Variants in DLG2 observed in about 807,000 individuals in gnomAD.
DLG2 encodes the protein discs large MAGUK scaffold protein 2.
In DLG2, 45 loss-of-function variants were observed where a neutral mutation model predicts 132.5. The observed-to-expected ratio is 0.34, with a 90% CI of 0.27 to 0.44. The LOEUF (loss-of-function observed/expected upper bound fraction) is 0.44, where lower values mean the gene tolerates loss of function less well. DLG2 is among the 20% of genes least tolerant of loss of function. The pLI is 1.00. For missense variants in DLG2, 1,045 were observed against 1,196.9 expected (o/e 0.87, Z 1.87); for synonymous variants, 424 against 419.6 (o/e 1.01, Z -0.13).
intron 11 of DLG2, among the ~76,000 whole-genome samples, chr11:84,008,640 G>A (rs909355754): frequency 6.6e-6 from 1 of 151,774 alleles, no homozygotes; most frequent in Non-Finnish European, 1.5e-5. Flanking sequence ...AGAGAGAGAA[G>A]GGTAAAAAGA....
intron 6 of DLG2, chr11:84,923,057 G>C: frequency 6.2e-7 from 1 of 1,613,882 alleles, no homozygotes; most frequent in Non-Finnish European, 8.5e-7. Flanking sequence ...GTGCCCAGTT[G>C]CCGGCTCGCC....
At chr11:83,618,697 T>C (rs1433741411) in intron 19 of DLG2, among the ~76,000 whole-genome samples, 1 of 152,150 alleles carries the variant, frequency 6.6e-6, no homozygotes, top group Non-Finnish European at 1.5e-5. Context: ...CATGGCTGAT[T>C]GAGTTAGAAT....
chr11:85,460,424 T>C (rs1466187834), intron 3 of DLG2, among the ~76,000 whole-genome samples: 1 of 152,144 alleles, frequency 6.6e-6, no homozygotes, highest in Admixed American at 6.5e-5. Context: ...GAACTGTGGG[T>C]CCCTGGGGAC....
At chr11:84,891,507 A>G (rs1295656059) in intron 6 of DLG2, among the ~76,000 whole-genome samples, 3 of 152,166 alleles carry the variant, frequency 2.0e-5, no homozygotes, top group Non-Finnish European at 4.4e-5. Context: ...ATATATGTGG[A>G]AAAATATGAC....
chr11:83,754,646 G>A (rs958979957), intron 18 of DLG2, among the ~76,000 whole-genome samples: 2 of 151,306 alleles, frequency 1.3e-5, no homozygotes, highest in African/African-American at 4.9e-5. Context: ...TTGATGATTA[G>A]AGATTCAGGA....
intron 7 of DLG2, among the ~76,000 whole-genome samples, chr11:84,372,790 G>T (rs576110983): frequency 1.3e-5 from 2 of 152,116 alleles, no homozygotes; most frequent in South Asian, 4.2e-4. Flanking sequence ...TTAACTAAAG[G>T]TAAACAATGT....
intron 19 of DLG2, among the ~76,000 whole-genome samples, chr11:83,628,890 A>T (rs915931287): frequency 1.6e-4 from 24 of 152,182 alleles, no homozygotes; most frequent in African/African-American, 5.8e-4. Context: ...CCATTTTTTA[A>T]AAAGGAGAGA....
intron 19 of DLG2, among the ~76,000 whole-genome samples, chr11:83,585,341 A>G (rs1315003795): frequency 6.6e-6 from 1 of 152,196 alleles, no homozygotes; most frequent in Non-Finnish European, 1.5e-5. Context: ...GTACCATACA[A>G]TCACAACAAC....
At chr11:84,941,509 T>C (rs554795640) in intron 6 of DLG2, among the ~76,000 whole-genome samples, 10 of 152,150 alleles carry the variant, frequency 6.6e-5, no homozygotes, top group Non-Finnish European at 1.0e-4. Context: ...CTTCATTCAA[T>C]TGATTTGATG....
chr11:85,417,583 TTTGG>T (rs1175665273), intron 3 of DLG2, among the ~76,000 whole-genome samples: 1 of 152,180 alleles, frequency 6.6e-6, no homozygotes, highest in African/African-American at 2.4e-5. Flanking sequence ...CTCAGCTTTT[TTTGG>T]TTGGTAGGCT....
chr11:84,538,280 G>A (rs185283994), intron 6 of DLG2, among the ~76,000 whole-genome samples: 2 of 152,360 alleles, frequency 1.3e-5, no homozygotes, highest in East Asian at 1.9e-4. Flanking sequence ...AGGGGATGAT[G>A]TTTGAGGGAA....
intron 3 of DLG2, among the ~76,000 whole-genome samples, chr11:85,462,905 G>C (rs550579197): frequency 6.6e-6 from 1 of 152,022 alleles, no homozygotes; most frequent in Non-Finnish European, 1.5e-5. Context: ...GTGGGTCATC[G>C]ATCTGTTAAA....
At chr11:83,812,332 A>C (rs2047524594) in intron 17 of DLG2, among the ~76,000 whole-genome samples, 1 of 152,114 alleles carries the variant, frequency 6.6e-6, no homozygotes, top group South Asian at 2.1e-4. Flanking sequence ...ACAGTAATAG[A>C]TGGGCTAAGA....
intron 9 of DLG2, among the ~76,000 whole-genome samples, chr11:84,112,991 G>C (rs1056823375): frequency 3.3e-5 from 5 of 152,102 alleles, no homozygotes; most frequent in African/African-American, 1.2e-4. Context: ...ATATCTTCAA[G>C]ATCAAATAAT....
chr11:85,453,773 CACTTTT>C (rs1165360664), intron 3 of DLG2: 7 of 152,100 alleles, frequency 4.6e-5, no homozygotes, highest in African/African-American at 1.7e-4. Flanking sequence ...AATCACCCCT[CACTTTT>C]GTCTTTTTTT....
intron 16 of DLG2, among the ~76,000 whole-genome samples, chr11:83,848,466 A>AT (rs2059064997): frequency 6.6e-6 from 1 of 151,920 alleles, no homozygotes; most frequent in Admixed American, 6.6e-5. Context: ...TTCTCCCAGA[A>AT]TTTTTTTTCT....
At chr11:84,037,925 T>C (rs1047542349) in intron 11 of DLG2, among the ~76,000 whole-genome samples, 2 of 152,250 alleles carry the variant, frequency 1.3e-5, no homozygotes, top group South Asian at 4.1e-4. Context: ...TCTTTGCATA[T>C]CTTTGCTCAC....
intron 3 of DLG2, chr11:85,452,829 G>A (rs1415736211): frequency 1.2e-5 from 2 of 164,142 alleles, no homozygotes; most frequent in African/African-American, 4.8e-5. Context: ...GCAGGCAGCA[G>A]CTTCATGGGA....
chr11:85,335,251 T>TG (rs1210409637), intron 3 of DLG2, among the ~76,000 whole-genome samples: 2 of 152,030 alleles, frequency 1.3e-5, no homozygotes, highest in African/African-American at 4.8e-5. Flanking sequence ...CTTTTTTTTT[T>TG]TGTTTTCTGT....
Sources: allele counts gnomAD v4.1 joint callset (sites outside exome capture counted in the v4.1 genomes callset), GRCh38; gene constraint gnomAD v4.1.1; transcripts MANE v1.5; gene names NCBI Gene and HGNC (gene_info 2026-07-23, HGNC 2026-07-21).